PSORS1C1: variants seen among roughly 807,000 people sequenced by gnomAD.
PSORS1C1 encodes psoriasis susceptibility 1 candidate 1.
In PSORS1C1, 7 loss-of-function variants were observed where a neutral mutation model predicts 9.4. The ratio of observed to expected loss-of-function variants is 0.75; its 90% CI spans 0.42 to 1.40. The LOEUF is 1.40. Ranked by LOEUF, PSORS1C1 falls within the 40% of genes most tolerant of loss-of-function variation. PSORS1C1 has a pLI of 0.01. For synonymous variants in PSORS1C1, 63 were observed against 69.4 expected, an observed-to-expected ratio of 0.91 and a Z score of 0.46; for missense variants, 146 against 178.1, an observed-to-expected ratio of 0.82 and a Z score of 1.02.
At position 31,128,041 on chromosome 6, in the gene PSORS1C1, T is replaced by C. The variant is rs1352087389; in HGVS notation, c.-64-1528T>C. On this transcript the variant is annotated intron_variant, in intron 2 of 5. Transcript: ENST00000259881. The surrounding 1 kb of genome is among the most constrained non-coding windows in gnomAD (Gnocchi z 4.3). ...TGTAGACCGCTGGCTCATGAAATAATCAGGGAGAGAATGTGTAAATGATGA... is the reference window on the plus strand; with the variant it reads ...TGTAGACCGCTGGCTCATGAAATAACCAGGGAGAGAATGTGTAAATGATGA... Among the ~76,000 whole-genome samples the C allele has an allele frequency of 2.6e-5, 4 of 152,134 alleles. No individual in the cohort carries two copies. The highest frequency in any genetic ancestry group is 9.7e-5 in the African/African-American group (4 of 41,416).
intron 4 of PSORS1C1, 77 bp downstream of exon 4, chr6:31,138,536 C>T (rs1425854983): frequency 4.4e-6 from 7 of 1,604,896 alleles, no homozygotes; most frequent in Non-Finnish European, 6.0e-6. Context: ...GTTCACTTGA[C>T]CCACTTTAAA....
intron 3 of PSORS1C1, among the ~76,000 whole-genome samples, chr6:31,134,646 C>T (rs115928361): frequency 0.043 from 6,493 of 152,154 alleles, 196 homozygotes; most frequent in Middle Eastern, 0.075. Context: ...CATAAGCAAA[C>T]TGGGTTCTAA....
rs1195578570 is a variant in PSORS1C1, at chr6:31,128,391, A to G, written c.-64-1178A>G. Among the ~76,000 whole-genome samples the G allele has an allele frequency of 6.6e-6, 1 of 152,190 alleles. No individual in the cohort carries two copies. The highest frequency in any genetic ancestry group is 1.9e-4 in the East Asian group (1 of 5,198). On this transcript the variant is annotated intron_variant, in intron 2 of 5. Transcript: ENST00000259881. This position sits in a 1 kb window ranked among gnomAD's most constrained non-coding sequence, Gnocchi z 4.3. Reference sequence around the variant, plus strand: ...ATTAAAGAAATCCCCCTAAAGTCCCATCCCAAGGTCACATAGAGAACGAAT... The same window carrying G: ...ATTAAAGAAATCCCCCTAAAGTCCCGTCCCAAGGTCACATAGAGAACGAAT...
intron 3 of PSORS1C1, among the ~76,000 whole-genome samples, chr6:31,130,566 C>A (rs555418148): frequency 0.016 from 2,436 of 151,524 alleles, 30 homozygotes; most frequent in Admixed American, 0.03. Context: ...CGCCCGCCAC[C>A]ACTCCCGGCT....
At chr6:31,130,971 G>A (rs1772886045) in intron 3 of PSORS1C1, among the ~76,000 whole-genome samples, 1 of 151,902 alleles carries the variant, frequency 6.6e-6, no homozygotes, top group Admixed American at 6.6e-5. Context: ...GGGATTACAG[G>A]TGCGCCCTAC....
Position 31,115,885 on chromosome 6 carries a change from G to A in PSORS1C1, c.-229+994G>A, listed in dbSNP as rs938854024. On this transcript the variant is annotated intron_variant, in intron 1 of 5. Transcript: ENST00000259881. The surrounding 1 kb of genome is among the most constrained non-coding windows in gnomAD (Gnocchi z 4.2). ...AGAGAGAGTCTGCAACCTTGGGGTA[G>A]TGGAGAAAGCAGAACCACTCTTTTG... 47 of 716,340 alleles carry A rather than the reference G, an allele frequency of 6.6e-5. No homozygotes were observed. Among genetic ancestry groups the A allele is most frequent in the Non-Finnish European group, 1.1e-4 (43 of 407,998 alleles). 44.4% of individuals were successfully genotyped at this position (716,340 alleles called of 1,614,324 possible).
intron 3 of PSORS1C1, 25 bp from the exon 4 acceptor site, chr6:31,138,405 G>C: frequency 6.3e-7 from 1 of 1,597,486 alleles, no homozygotes; most frequent in Non-Finnish European, 8.5e-7. Context: ...CTGGATGGAC[G>C]CAGCCTGAAC....
At chr6:31,117,137 T>TGCTGCTGCTGCTCGAATGAGA (rs768274036) in intron 1 of PSORS1C1, 2 of 1,610,598 alleles carry the variant, frequency 1.2e-6, no homozygotes, top group South Asian at 1.1e-5. Flanking sequence ...AACTGAAAGC[T>TGCTGCTGCTGCTCGAATGAGA]GCTGCTGCTG....
intron 1 of PSORS1C1, 150 bp from the exon 2 acceptor site, chr6:31,125,526 C>T (rs928262174): frequency 6.6e-6 from 1 of 152,328 alleles, no homozygotes; most frequent in African/African-American, 2.4e-5. Context: ...CATCCCCAAT[C>T]AGGTGTTCCG....
At chr6:31,117,078 A>C (rs758459403) in intron 1 of PSORS1C1, 1 of 1,614,188 alleles carries the variant, frequency 6.2e-7, no homozygotes, top group Non-Finnish European at 8.5e-7. Flanking sequence ...AAGAGTTGTC[A>C]TTGGTTGGCA....
chr6:31,120,500 AG>A (rs1772402593), intron 1 of PSORS1C1: 1 of 1,236,304 alleles, frequency 8.1e-7, no homozygotes, highest in African/African-American at 1.5e-5. Flanking sequence ...TTCCCTGGGC[AG>A]GAGTCACTGT....
At chr6:31,117,003 T>C in intron 1 of PSORS1C1, 1 of 1,614,190 alleles carries the variant, frequency 6.2e-7, no homozygotes, top group Non-Finnish European at 8.5e-7. Flanking sequence ...CACTGCTGGA[T>C]ACCCCAAAGG....
chr6:31,117,192 C>T (rs993254791), intron 1 of PSORS1C1: 2 of 1,613,220 alleles, frequency 1.2e-6, no homozygotes, highest in Non-Finnish European at 8.5e-7. Context: ...CGCTGTTTCC[C>T]GAGTGAGAGC....
chr6:31,125,524 A>G (rs1040826060), intron 1 of PSORS1C1, among the ~76,000 whole-genome samples, 152 bp from the exon 2 acceptor site: 2 of 152,116 alleles, frequency 1.3e-5, no homozygotes, highest in Non-Finnish European at 2.9e-5. Flanking sequence ...CACATCCCCA[A>G]TCAGGTGTTC....
chr6:31,138,403 A>G (rs768933037), intron 3 of PSORS1C1, 27 bp from the exon 4 acceptor site: 1 of 1,549,522 alleles, frequency 6.5e-7, no homozygotes. Context: ...GTCTGGATGG[A>G]CGCAGCCTGA....
At chr6:31,134,200 C>G (rs1024717121) in intron 3 of PSORS1C1, among the ~76,000 whole-genome samples, 3 of 151,650 alleles carry the variant, frequency 2.0e-5, no homozygotes, top group Non-Finnish European at 2.9e-5. Context: ...AGGCTGGTCT[C>G]GAACTCCTGA....
At chr6:31,127,499 C>T (rs1215503136) in intron 2 of PSORS1C1, among the ~76,000 whole-genome samples, 3 of 151,962 alleles carry the variant, frequency 2.0e-5, no homozygotes, top group Admixed American at 6.6e-5. Flanking sequence ...ACATTCAGCT[C>T]GGTGCCGAGG....
chr6:31,133,204 C>T (rs1772997000), intron 3 of PSORS1C1, among the ~76,000 whole-genome samples: 1 of 151,812 alleles, frequency 6.6e-6, no homozygotes, highest in Non-Finnish European at 1.5e-5. Flanking sequence ...CCCTGCCCCA[C>T]AAGGTTCATG....
At chr6:31,137,891 G>T in intron 3 of PSORS1C1, 1 of 736,310 alleles carries the variant, frequency 1.4e-6, no homozygotes, top group Non-Finnish European at 2.1e-6. Flanking sequence ...GGGAATCAGA[G>T]GGTGGAGAGG....
Sources: gnomAD v4.1 joint callset for allele counts (sites outside exome capture counted in the v4.1 genomes callset) on GRCh38, gnomAD v4.1.1 for gene constraint, Gnocchi (gnomAD v3.1) non-coding constraint, MANE v1.5 for transcripts, NCBI Gene and HGNC (gene_info 2026-07-23, HGNC 2026-07-21) for gene names.